STPG2: variants seen among roughly 807,000 people sequenced by gnomAD.
The protein encoded by STPG2 is sperm tail PG-rich repeat containing 2.
A neutral mutation model predicts 54.2 loss-of-function variants in STPG2; 56 were observed. The observed-to-expected ratio is 1.03, with a 90% CI of 0.83 to 1.29. The LOEUF (loss-of-function observed/expected upper bound fraction) is 1.29. Among genes scored for constraint, STPG2 ranks in the 50% most tolerant of loss-of-function variants. The pLI, the probability that STPG2 is intolerant of heterozygous loss-of-function variation, is 0.00. For synonymous variants in STPG2, 200 were observed against 181.8 expected (o/e 1.10, Z -0.81); for missense variants, 596 against 544.9 (o/e 1.09, Z -0.93).
intron 10 of STPG2, among the ~76,000 whole-genome samples, chr4:97,568,903 T>TG (rs1732525775): frequency 6.6e-6 from 1 of 150,966 alleles, no homozygotes; most frequent in African/African-American, 2.5e-5. Context: ...TTGTTTTGTT[T>TG]TTTTTTTTGT....
At chr4:97,749,685 C>T (rs1207819994) in intron 9 of STPG2, among the ~76,000 whole-genome samples, 1 of 151,728 alleles carries the variant, frequency 6.6e-6, no homozygotes, top group Non-Finnish European at 1.5e-5. Flanking sequence ...CCATTTCATT[C>T]TGAAAAGCAC....
intron 3 of STPG2, among the ~76,000 whole-genome samples, chr4:98,124,339 G>A (rs1739772079): frequency 6.6e-6 from 1 of 152,098 alleles, no homozygotes; most frequent in South Asian, 2.1e-4. Context: ...CATATGTAGT[G>A]CTTCCTTCAG....
rs750846251 is a variant in STPG2, at chr4:97,550,250, T to C, written c.462+162449A>G. ...TTATTATGTTGTCTGATCTGTGGTA[T>C]GAGGTCTTAAAAGTATTTTGTATAG... On this transcript the variant is annotated intron_variant, in intron 4 of 4. Transcript: ENST00000522676. Among the ~76,000 whole-genome samples the C allele has an allele frequency of 3.9e-5, 6 of 152,086 alleles. No individual in the cohort carries two copies. The East Asian group carries it at 1.2e-3, about 29-fold the overall frequency.
chr4:97,970,164 C>T lies in STPG2; in HGVS notation c.933+2116G>A, dbSNP rs1370851227. Among the ~76,000 whole-genome samples, 3 of 152,210 alleles carry T rather than the reference C, an allele frequency of 2.0e-5. No individual in the cohort carries two copies. The East Asian group carries it at 5.8e-4, about 29-fold the overall frequency. On this transcript the variant is annotated intron_variant, in intron 7 of 10. Coordinates refer to ENST00000295268, the MANE Select transcript of STPG2 (RefSeq NM_174952.3). Reference sequence around the variant, plus strand: ...CTGCTCAACGAAATAAAAGAGAACACAAATGAATGGAAGAATATTCCATGC... The same window carrying T: ...CTGCTCAACGAAATAAAAGAGAACATAAATGAATGGAAGAATATTCCATGC...
chr4:97,914,178 T>G, intron 8 of STPG2, among the ~76,000 whole-genome samples: 1 of 152,188 alleles, frequency 6.6e-6, no homozygotes, highest in East Asian at 1.9e-4. Context: ...GAGTAATCTT[T>G]GTCTGAAAGT....
At chr4:98,047,202 G>C (rs1737156214) in intron 5 of STPG2, among the ~76,000 whole-genome samples, 1 of 152,168 alleles carries the variant, frequency 6.6e-6, no homozygotes, top group Non-Finnish European at 1.5e-5. Flanking sequence ...CCCAGAGCTA[G>C]GTGATTCAAG....
intron 5 of STPG2, among the ~76,000 whole-genome samples, chr4:98,021,412 A>C (rs903381554): frequency 7.3e-5 from 11 of 150,654 alleles, no homozygotes; most frequent in African/African-American, 2.5e-4. Flanking sequence ...GTTCTTTTAC[A>C]TTTGCTGAGG....
intron 4 of STPG2, among the ~76,000 whole-genome samples, chr4:97,486,709 T>G (rs1279348336): frequency 6.6e-6 from 1 of 151,558 alleles, no homozygotes; most frequent in Non-Finnish European, 1.5e-5. Flanking sequence ...AAAAAGATAC[T>G]TGCACATGCA....
chr4:97,571,233 T>A (rs1732591403), intron 10 of STPG2, among the ~76,000 whole-genome samples: 1 of 152,116 alleles, frequency 6.6e-6, no homozygotes, highest in Non-Finnish European at 1.5e-5. Context: ...TATGTGAAAT[T>A]CAATAGATGA....
intron 5 of STPG2, among the ~76,000 whole-genome samples, chr4:97,994,955 C>G (rs1042057677): frequency 1.3e-5 from 2 of 152,082 alleles, no homozygotes; most frequent in African/African-American, 4.8e-5. Flanking sequence ...AGCTCAGCCT[C>G]TCCTTGGGTA....
intron 8 of STPG2, among the ~76,000 whole-genome samples, chr4:97,893,589 T>A (rs906457785): frequency 1.3e-5 from 2 of 151,934 alleles, no homozygotes; most frequent in African/African-American, 2.4e-5. Context: ...AGAAAAATCA[T>A]CCCCTCAATT....
intron 4 of STPG2, among the ~76,000 whole-genome samples, chr4:97,469,607 C>T (rs564509716): frequency 9.2e-5 from 14 of 151,872 alleles, no homozygotes; most frequent in South Asian, 4.1e-4. Context: ...AGGAAGAGAG[C>T]GGCAGTCGTA....
chr4:97,711,772 C>T (rs1021478323), intron 10 of STPG2, among the ~76,000 whole-genome samples: 1 of 150,666 alleles, frequency 6.6e-6, no homozygotes, highest in Non-Finnish European at 1.5e-5. Flanking sequence ...CAGATCCAAG[C>T]GATTCTCCTG....
chr4:97,974,223 T>C (rs190987496), intron 6 of STPG2, among the ~76,000 whole-genome samples: 1 of 152,290 alleles, frequency 6.6e-6, no homozygotes, highest in Admixed American at 6.5e-5. Context: ...TGTAGCCCCT[T>C]TGTTTCAGTC....
intron 4 of STPG2, among the ~76,000 whole-genome samples, chr4:97,537,426 C>A (rs906259493): frequency 6.6e-6 from 1 of 152,196 alleles, no homozygotes; most frequent in Non-Finnish European, 1.5e-5. Context: ...GGGTCCCACA[C>A]CCTCAGAGCC....
chr4:98,032,763 C>T (rs2149301139), intron 5 of STPG2, among the ~76,000 whole-genome samples: 1 of 152,270 alleles, frequency 6.6e-6, no homozygotes, highest in South Asian at 2.1e-4. Flanking sequence ...ACGGTGCAAT[C>T]AAATTAGAAC....
chr4:97,739,322 A>G (rs897018225), intron 9 of STPG2, among the ~76,000 whole-genome samples: 8 of 152,168 alleles, frequency 5.3e-5, no homozygotes, highest in African/African-American at 1.9e-4. Context: ...GCAAGAGCAA[A>G]CACATTCAAA....
At chr4:97,486,759 ACCAAC>A (rs1218746071) in intron 4 of STPG2, among the ~76,000 whole-genome samples, 2 of 151,032 alleles carry the variant, frequency 1.3e-5, no homozygotes, top group Non-Finnish European at 3.0e-5. Flanking sequence ...AAATCATGGA[ACCAAC>A]CCAAATGCCC....
chr4:97,690,709 T>C (rs1427531472), intron 10 of STPG2, among the ~76,000 whole-genome samples: 1 of 152,182 alleles, frequency 6.6e-6, no homozygotes, highest in African/African-American at 2.4e-5. Context: ...CTGTGGCTGT[T>C]AATTTACATG....
Sources: allele counts gnomAD v4.1 joint callset (sites outside exome capture counted in the v4.1 genomes callset), GRCh38; gene constraint gnomAD v4.1.1; transcripts MANE v1.5; gene names NCBI Gene and HGNC (gene_info 2026-07-23, HGNC 2026-07-21).